Variants in SLC9A9 observed in about 807,000 individuals in gnomAD.
SLC9A9 encodes solute carrier family 9 member A9, also known as sodium/hydrogen exchanger 9.
In SLC9A9, 62 loss-of-function variants were observed where a neutral mutation model predicts 77.8. The observed-to-expected ratio is 0.80, with a 90% CI of 0.65 to 0.98. SLC9A9 has a LOEUF of 0.98. SLC9A9 is among the 50% of genes least tolerant of loss of function. The pLI, the probability that SLC9A9 is intolerant of heterozygous loss-of-function variation, is 0.00. For synonymous variants in SLC9A9, 320 were observed against 283.5 expected, an observed-to-expected ratio of 1.13 and a Z score of -1.29; for missense variants, 775 against 774.9, an observed-to-expected ratio of 1.00 and a Z score of 0.00.
chr3:143,652,234 A>G, intron 6 of SLC9A9, 21 bp downstream of exon 6: 1 of 1,576,796 alleles, frequency 6.3e-7, no homozygotes, highest in Middle Eastern at 1.8e-4. Context: ...AAAGAAACAT[A>G]GGCCAAGTTC....
chr3:143,540,032 T>A (rs1321082571), intron 9 of SLC9A9, among the ~76,000 whole-genome samples: 1 of 152,050 alleles, frequency 6.6e-6, no homozygotes, highest in Non-Finnish European at 1.5e-5. Context: ...AAGTATACTT[T>A]CTTAGGGCTT....
At chr3:143,728,057 T>C (rs1363287102) in intron 4 of SLC9A9, among the ~76,000 whole-genome samples, 1 of 152,166 alleles carries the variant, frequency 6.6e-6, no homozygotes, top group Non-Finnish European at 1.5e-5. Context: ...TGTTTTTGGG[T>C]GCTAGTTGTT....
intron 12 of SLC9A9, among the ~76,000 whole-genome samples, chr3:143,414,511 G>C (rs1362332114): frequency 6.6e-6 from 1 of 152,190 alleles, no homozygotes; most frequent in Non-Finnish European, 1.5e-5. Context: ...TGGTGTTTTA[G>C]AGATATTTCA....
At chr3:143,795,294 A>ACAAC (rs1553794675) in intron 3 of SLC9A9, among the ~76,000 whole-genome samples, 1 of 147,786 alleles carries the variant, frequency 6.8e-6, no homozygotes, top group Admixed American at 6.8e-5. Context: ...AAAAAAAAAA[A>ACAAC]AAAAAACCCA....
In SLC9A9 at chr3:143,432,617, C is replaced by T. The variant is rs150267152; in HGVS notation, c.1469+34420G>A. Among the ~76,000 whole-genome samples the T allele has an allele frequency of 3.9e-3, 589 of 152,164 alleles. 18 individuals are homozygous for T. The highest frequency in any genetic ancestry group is 0.035 in the Admixed American group (541 of 15,294). On this transcript the variant is annotated intron_variant, in intron 12 of 15. Transcript: ENST00000316549. ...TCTCTTCCCCCTAGAATGGTGGCCA[C>T]CTGGCTGATCTTGCCCACATTATTT...
At chr3:143,647,560 A>G (rs771220818) in intron 6 of SLC9A9, among the ~76,000 whole-genome samples, 37 of 152,204 alleles carry the variant, frequency 2.4e-4, no homozygotes, top group Non-Finnish European at 4.6e-4. Context: ...CTTTGCCTAT[A>G]TCGTGATCCT....
chr3:143,674,784 G>C (rs1560025443), intron 5 of SLC9A9, among the ~76,000 whole-genome samples: 1 of 152,240 alleles, frequency 6.6e-6, no homozygotes, highest in South Asian at 2.1e-4. Context: ...TAAAAGGTAA[G>C]ATGTGCACCC....
chr3:143,612,197 T>C (rs945095549), intron 6 of SLC9A9, among the ~76,000 whole-genome samples: 4 of 152,236 alleles, frequency 2.6e-5, no homozygotes, highest in African/African-American at 9.6e-5. Context: ...TGATTGCCAT[T>C]GTCAGTGTCA....
intron 12 of SLC9A9, among the ~76,000 whole-genome samples, chr3:143,441,884 A>T (rs2034746370): frequency 2.0e-5 from 3 of 151,684 alleles, no homozygotes; most frequent in Non-Finnish European, 4.4e-5. Context: ...CCATCCACTC[A>T]TCCATCCATC....
intron 9 of SLC9A9, chr3:143,517,675 G>C (rs2036228433): frequency 6.3e-7 from 1 of 1,597,510 alleles, no homozygotes; most frequent in Admixed American, 1.7e-5. Context: ...CCCGCCACTT[G>C]TAAGGCTGAG....
intron 6 of SLC9A9, among the ~76,000 whole-genome samples, chr3:143,588,339 A>G (rs2037580931): frequency 6.6e-6 from 1 of 152,186 alleles, no homozygotes; most frequent in Non-Finnish European, 1.5e-5. Context: ...AAATCCTGAC[A>G]TTGGAAATGT....
At chr3:143,311,116 G>A (rs1434759334) in intron 14 of SLC9A9, among the ~76,000 whole-genome samples, 1 of 152,226 alleles carries the variant, frequency 6.6e-6, no homozygotes, top group Non-Finnish European at 1.5e-5. Flanking sequence ...ATGGGAGATA[G>A]TGGTCTTTTC....
chr3:143,456,297 T>C lies in SLC9A9; in HGVS notation c.1469+10740A>G, dbSNP rs116817561. On this transcript the variant is annotated intron_variant, in intron 12 of 15. Transcript: ENST00000316549. ...TTTTTAAGTATTGCTGGACTTGATA[T>C]TCTAGTATTCTGTGCAAGATTTTTG... Among the ~76,000 whole-genome samples, 430 of 152,286 alleles carry C rather than the reference T, an allele frequency of 2.8e-3. 2 individuals carry two copies. Among genetic ancestry groups the C allele is most frequent in the African/African-American group, 9.9e-3 (410 of 41,580 alleles).
Position 143,788,624 on chromosome 3 carries a change from GAGGT to G in SLC9A9, c.533+6373_533+6376del, listed in dbSNP as rs373156508. 2.7e-3 allele frequency among the ~76,000 whole-genome samples: 408 copies of G among 150,124 alleles called. 1 individual carries two copies. The highest frequency in any genetic ancestry group is 9.7e-3 in the African/African-American group (394 of 40,722). On this transcript the variant is annotated intron_variant, in intron 4 of 15. Coordinates refer to ENST00000316549, the MANE Select transcript of SLC9A9 (RefSeq NM_173653.4). The stretch of plus-strand genomic sequence containing the variant: ...GAGAATTGCTTGAACCTGGGAGGTG[GAGGT>G]TGCAGTGAGGTGAGATCACGCCATT...
At chr3:143,560,024 C>A (rs1201477643) in intron 8 of SLC9A9, among the ~76,000 whole-genome samples, 2 of 152,202 alleles carry the variant, frequency 1.3e-5, no homozygotes, top group Non-Finnish European at 1.5e-5. Flanking sequence ...CAGCTTATAT[C>A]ACTGTCCTCT....
chr3:143,517,393 G>A, intron 9 of SLC9A9: 2 of 1,488,076 alleles, frequency 1.3e-6, no homozygotes, highest in Non-Finnish European at 1.9e-6. Context: ...CTGGAAAAGA[G>A]CCATACTGTG....
intron 12 of SLC9A9, among the ~76,000 whole-genome samples, chr3:143,418,432 G>A (rs1224065846): frequency 6.6e-6 from 1 of 152,042 alleles, no homozygotes; most frequent in Non-Finnish European, 1.5e-5. Context: ...TGAAGCAGAA[G>A]CAAGGACATC....
Position 143,356,261 on chromosome 3 carries a change from T to A in SLC9A9, c.1604+7223A>T, listed in dbSNP as rs139458006. Among the ~76,000 whole-genome samples the A allele has an allele frequency of 3.3e-5, 5 of 152,286 alleles. No individual in the cohort carries two copies. In the East Asian group the frequency reaches 9.6e-4, roughly 29 times the overall value. ...TTGCACTATTTAACTGTTTTAAATGTGTTGGTTCTGAGAGGCCAGTGAATC... is the reference window on the plus strand; with the variant it reads ...TTGCACTATTTAACTGTTTTAAATGAGTTGGTTCTGAGAGGCCAGTGAATC... On this transcript the variant is annotated intron_variant, in intron 14 of 15. Transcript: ENST00000316549.
At chr3:143,795,454 C>T (rs931871939) in intron 3 of SLC9A9, among the ~76,000 whole-genome samples, 3 of 149,518 alleles carry the variant, frequency 2.0e-5, no homozygotes, top group Non-Finnish European at 3.0e-5. Context: ...AATGCAATTC[C>T]TTTAGCATTA....
Sources: gnomAD v4.1 joint callset for allele counts (sites outside exome capture counted in the v4.1 genomes callset) on GRCh38, gnomAD v4.1.1 for gene constraint, MANE v1.5 for transcripts, NCBI Gene and HGNC (gene_info 2026-07-23, HGNC 2026-07-21) for gene names.